RUBCN: variants seen among roughly 807,000 people sequenced by gnomAD.
The protein encoded by RUBCN is rubicon autophagy regulator, also known as run domain Beclin-1-interacting and cysteine-rich domain-containing protein.
In RUBCN, 74 loss-of-function variants were observed where a neutral mutation model predicts 113.2. The ratio of observed to expected loss-of-function variants is 0.65; its 90% CI spans 0.54 to 0.79. The LOEUF (loss-of-function observed/expected upper bound fraction) is 0.79. Ranked by LOEUF, RUBCN falls within the 30% of genes least tolerant of loss-of-function variation. The pLI is 0.00. For synonymous variants in RUBCN, 480 were observed against 490.0 expected (o/e 0.98, Z 0.27); for missense variants, 1,109 against 1,251.7 (o/e 0.89, Z 1.72).
chr3:197,693,653 TATC>T (rs1266535119), intron 11 of RUBCN, 59 bp downstream of exon 11: 2 of 1,131,414 alleles, frequency 1.8e-6, no homozygotes, highest in South Asian at 1.2e-5. Flanking sequence ...CTTCGCAGCT[TATC>T]ATTCTAAATG....
In RUBCN at chr3:197,736,722, G is replaced by A. The variant is rs1290846662; in HGVS notation, c.-3C>T. The A allele has an allele frequency of 2.6e-6, 4 of 1,528,320 alleles. No homozygotes were observed. Among genetic ancestry groups the A allele is most frequent in the Non-Finnish European group, 3.5e-6 (4 of 1,144,592 alleles). The allele number at this position is 1,528,320 out of a possible 1,614,324, so 94.7% of individuals were successfully genotyped here. ...ATTCCCGCGCCCTCCGGCCGCATCC[G>A]GGGCGGTGAGGCCGCCTCTTCGCCC... On this transcript the variant is annotated 5_prime_UTR_variant, in exon 1 of 20. Coordinates refer to ENST00000296343, the MANE Select transcript of RUBCN (RefSeq NM_014687.4).
chr3:197,702,616 T>C (rs1285483906), intron 5 of RUBCN, among the ~76,000 whole-genome samples: 1 of 152,096 alleles, frequency 6.6e-6, no homozygotes, highest in African/African-American at 2.4e-5. Flanking sequence ...TGAGCCAAGA[T>C]CATGCCACTG....
At chr3:197,698,194 C>CACTT (rs111902051) in intron 7 of RUBCN, among the ~76,000 whole-genome samples, 4,244 of 152,334 alleles carry the variant, frequency 0.028, 119 homozygotes, top group African/African-American at 0.072. Flanking sequence ...CCCTTACACT[C>CACTT]GTTATCTGCC....
At chr3:197,744,063 T>C (rs1036804712) in intron 1 of RUBCN, among the ~76,000 whole-genome samples, 1 of 151,476 alleles carries the variant, frequency 6.6e-6, no homozygotes, top group Non-Finnish European at 1.5e-5. Flanking sequence ...ATATATCATA[T>C]AATATAAATT....
chr3:197,742,820 G>A (rs1458883272), intron 1 of RUBCN, among the ~76,000 whole-genome samples: 2 of 152,248 alleles, frequency 1.3e-5, no homozygotes, highest in African/African-American at 4.8e-5. Context: ...AATCCATCCA[G>A]TACAAATTGA....
chr3:197,732,734 T>C (rs1378532449), intron 1 of RUBCN, among the ~76,000 whole-genome samples: 6 of 152,016 alleles, frequency 3.9e-5, no homozygotes, highest in African/African-American at 1.5e-4. Context: ...CGGAAAACAA[T>C]AGGGAAGCCC....
intron 7 of RUBCN, among the ~76,000 whole-genome samples, chr3:197,699,432 C>A (rs1004426420): frequency 6.6e-6 from 1 of 152,202 alleles, no homozygotes; most frequent in Non-Finnish European, 1.5e-5. Context: ...CACACATTTT[C>A]GCGGGCTCCC....
In RUBCN at chr3:197,709,010, A is replaced by G. The variant is rs149485649; in HGVS notation, c.220-3835T>C. Among the ~76,000 whole-genome samples the G allele has an allele frequency of 5.1e-4, 78 of 152,324 alleles. No homozygotes were observed. In the East Asian group the frequency reaches 0.014, roughly 27 times the overall value. On this transcript the variant is annotated intron_variant, in intron 2 of 19. Coordinates refer to ENST00000296343, the MANE Select transcript of RUBCN (RefSeq NM_014687.4). ...AAAAGAAATTGAAACTGGAAATTCTATCGCATAGTTTATATAAGAAAGATG... is the reference window on the plus strand; with the variant it reads ...AAAAGAAATTGAAACTGGAAATTCTGTCGCATAGTTTATATAAGAAAGATG...
rs1720203663 is a variant in RUBCN at position 197,675,082 on chromosome 3, G to A, written c.2855C>T (p.Ser952Leu). Residue 952 changes from serine (S) to leucine (L), a missense_variant, in exon 20 of 20, where the codon TCA becomes TTA. Physicochemically the swap from Ser to Leu is moderately radical, Grantham distance 145. Coordinates refer to ENST00000296343, the MANE Select transcript of RUBCN (RefSeq NM_014687.4). The surrounding 1 kb of genome is among the most constrained non-coding windows in gnomAD (Gnocchi z 4.4). ...TTCCGCGGGCTCCTCCTCGTAGTCT[G>A]ACAGGTAAGACTCCAGGCTCTGCCT... ...LARQSLESYLSDYEEEPAEAL... is the reference protein window; with the variant it reads ...LARQSLESYLLDYEEEPAEAL... 1 of 1,613,370 alleles carries A rather than the reference G, an allele frequency of 6.2e-7. No homozygotes were observed. The highest frequency in any genetic ancestry group is 1.3e-5 in the African/African-American group (1 of 74,928).
Position 197,736,667 on chromosome 3 carries a change from G to A in RUBCN, c.53C>T (p.Pro18Leu). ...MELGGGEERL[P>L]EESRREHWQL... ...GCTCCCAGCCCACCTGCTCTCCTCA[G>A]GCAGGCGCTCCTCGCCGCCTCCGAG... The change falls in exon 1 of 20, where the codon CCT becomes CTT. Residue 18 changes from proline to leucine, a missense_variant. This residue lies in a region of RUBCN where 736 missense variants were observed against 779.6 expected (regional missense o/e 0.94). Transcript: ENST00000296343. 6.5e-7 allele frequency: 1 copy of A among 1,532,394 alleles called. No individual in the cohort carries two copies. Among genetic ancestry groups the A allele is most frequent in the Non-Finnish European group, 8.7e-7 (1 of 1,146,122 alleles). 94.9% of individuals were successfully genotyped at this position (1,532,394 alleles called of 1,614,324 possible).
chr3:197,672,311 T>C lies in RUBCN; in HGVS notation c.*2707A>G, dbSNP rs959004074. ...AAAGAACACTATCACCTGCCTTCAT[T>C]TAGAAGGAATTCTCTTCAGTGCATT... On this transcript the variant is annotated 3_prime_UTR_variant, in exon 20 of 20. Transcript: ENST00000296343. The C allele has an allele frequency of 2.0e-5, 3 of 152,354 alleles. No individual in the cohort carries two copies. Among genetic ancestry groups the C allele is most frequent in the South Asian group, 4.1e-4 (2 of 4,826 alleles). The allele number at this position is 152,354 out of a possible 1,614,324, so 9.4% of individuals were successfully genotyped here.
intron 11 of RUBCN, among the ~76,000 whole-genome samples, chr3:197,689,286 C>G (rs1400731808): frequency 6.6e-6 from 1 of 152,090 alleles, no homozygotes; most frequent in Non-Finnish European, 1.5e-5. Context: ...CCTCAAGCCT[C>G]CCAGAGTGCT....
At chr3:197,690,527 C>T (rs1176448055) in intron 11 of RUBCN, among the ~76,000 whole-genome samples, 1 of 152,162 alleles carries the variant, frequency 6.6e-6, no homozygotes, top group African/African-American at 2.4e-5. Flanking sequence ...TTTCAATTAA[C>T]CTCACCTACA....
chr3:197,692,312 G>A (rs920520419), intron 11 of RUBCN, among the ~76,000 whole-genome samples: 3 of 152,032 alleles, frequency 2.0e-5, no homozygotes, highest in African/African-American at 4.8e-5. Flanking sequence ...TCCTGTGCTC[G>A]TGATCTCTTC....
intron 1 of RUBCN, among the ~76,000 whole-genome samples, chr3:197,741,929 G>A (rs564270131): frequency 8.6e-5 from 13 of 151,576 alleles, no homozygotes; most frequent in African/African-American, 3.1e-4. Context: ...ACGGAGTCTC[G>A]CTTTGTCACC....
intron 1 of RUBCN, among the ~76,000 whole-genome samples, chr3:197,721,652 T>C (rs1457740822): frequency 6.6e-6 from 1 of 152,286 alleles, no homozygotes; most frequent in East Asian, 1.9e-4. Context: ...GTTTGGTTTG[T>C]CCTGGTTTTC....
chr3:197,735,304 T>C (rs1341474266), intron 1 of RUBCN, among the ~76,000 whole-genome samples: 1 of 152,210 alleles, frequency 6.6e-6, no homozygotes, highest in Non-Finnish European at 1.5e-5. Context: ...GAAGCTGAGC[T>C]AGTATAATCG....
chr3:197,748,322 A>G (rs1169844224), intron 1 of RUBCN: 1 of 152,156 alleles, frequency 6.6e-6, no homozygotes, highest in Admixed American at 6.6e-5. Flanking sequence ...AAGGACATAC[A>G]TGATATTCTC....
chr3:197,723,607 C>T (rs1472004217), intron 1 of RUBCN, among the ~76,000 whole-genome samples: 1 of 152,094 alleles, frequency 6.6e-6, no homozygotes, highest in Non-Finnish European at 1.5e-5. Flanking sequence ...TTTTGAAGTC[C>T]CATTTTACAT....
Sources: allele counts gnomAD v4.1 joint callset (sites outside exome capture counted in the v4.1 genomes callset), GRCh38; gene constraint gnomAD v4.1.1; regional missense constraint gnomAD v4.1.1; non-coding constraint Gnocchi (gnomAD v3.1); transcripts MANE v1.5; gene names NCBI Gene and HGNC (gene_info 2026-07-23, HGNC 2026-07-21).